FARSB: variants seen among roughly 807,000 people sequenced by gnomAD.
FARSB encodes phenylalanyl-tRNA synthetase subunit beta, also known as phenylalanine--tRNA ligase beta subunit.
In FARSB, 40 loss-of-function variants were observed where a neutral mutation model predicts 69.6. The observed-to-expected ratio is 0.57, with a 90% CI of 0.45 to 0.75. The LOEUF (loss-of-function observed/expected upper bound fraction) is 0.75. Ranked by LOEUF, FARSB falls within the 30% of genes least tolerant of loss-of-function variation. The pLI is 0.00. For synonymous variants in FARSB, 235 were observed against 247.2 expected (o/e 0.95, Z 0.46); for missense variants, 632 against 722.9 (o/e 0.87, Z 1.44).
At chr2:222,613,753 T>C (rs1690919129) in intron 15 of FARSB, 58 bp downstream of exon 15, 3 of 1,134,516 alleles carry the variant, frequency 2.6e-6, no homozygotes, top group Non-Finnish European at 4.0e-6. Flanking sequence ...GTTAAGGTTT[T>C]CATAATGAAA....
intron 15 of FARSB, among the ~76,000 whole-genome samples, chr2:222,602,817 T>C (rs913291190): frequency 6.6e-6 from 1 of 152,096 alleles, no homozygotes; most frequent in Non-Finnish European, 1.5e-5. Flanking sequence ...TCATCTCTCA[T>C]TAGCACTTTA....
chr2:222,585,218 C>G lies in FARSB; in HGVS notation c.1619-13196G>C, dbSNP rs192762980. 1.7e-3 allele frequency among the ~76,000 whole-genome samples: 263 copies of G among 152,262 alleles called. 3 individuals carry two copies. Among genetic ancestry groups the G allele is most frequent in the Admixed American group, 0.015 (230 of 15,302 alleles). On this transcript the variant is annotated intron_variant, in intron 16 of 16. Transcript: ENST00000281828. ...GTTCTGCAGCCTCCGCTGGTGATACCCAGGCAAACAGGGTCTGGAGTGGAC... is the reference window on the plus strand; with the variant it reads ...GTTCTGCAGCCTCCGCTGGTGATACGCAGGCAAACAGGGTCTGGAGTGGAC...
rs191352893 is a variant in FARSB at position 222,585,963 on chromosome 2, T to C, written c.1619-13941A>G. ...CTACAGGATATTATCCAGGAGAACT[T>C]CCCCAACCTAGCAAGGCAGGCCACC... On this transcript the variant is annotated intron_variant, in intron 16 of 16. Transcript: ENST00000281828. Among the ~76,000 whole-genome samples the C allele has an allele frequency of 6.0e-3, 919 of 152,174 alleles. 11 individuals carry two copies. Among genetic ancestry groups the C allele is most frequent in the African/African-American group, 0.021 (860 of 41,500 alleles).
intron 16 of FARSB, among the ~76,000 whole-genome samples, chr2:222,596,988 G>T (rs145099590): frequency 2.6e-5 from 4 of 152,170 alleles, no homozygotes; most frequent in Admixed American, 6.5e-5. Flanking sequence ...TGAGAAATGA[G>T]GAACCATTAT....
chr2:222,599,781 T>C (rs1483529273), intron 16 of FARSB, 147 bp downstream of exon 16: 10 of 645,882 alleles, frequency 1.5e-5, no homozygotes, highest in Non-Finnish European at 2.6e-5. Context: ...AAAGGGGATA[T>C]TTTCTGGATA....
intron 14 of FARSB, among the ~76,000 whole-genome samples, chr2:222,617,517 A>G (rs1274323614): frequency 6.6e-6 from 1 of 152,166 alleles, no homozygotes; most frequent in Non-Finnish European, 1.5e-5. Context: ...GTTCAGTCAC[A>G]CTCCAAACCT....
At chr2:222,574,588 C>T (rs1314350446) in intron 16 of FARSB, among the ~76,000 whole-genome samples, 4 of 152,136 alleles carry the variant, frequency 2.6e-5, no homozygotes, top group African/African-American at 4.8e-5. Context: ...AAAAAGGAAG[C>T]ATGCTGCCCT....
chr2:222,604,226 A>C (rs1423110586), intron 15 of FARSB, among the ~76,000 whole-genome samples: 34 of 152,146 alleles, frequency 2.2e-4, no homozygotes, highest in Non-Finnish European at 1.2e-4. Context: ...TTAAAAAAAA[A>C]AAAAAAAAGA....
intron 1 of FARSB, among the ~76,000 whole-genome samples, chr2:222,650,689 C>G (rs529220411): frequency 5.3e-5 from 8 of 152,250 alleles, no homozygotes; most frequent in Non-Finnish European, 1.0e-4. Context: ...TATTCATGCT[C>G]CTGTGTGAAC....
At chr2:222,624,007 A>G (rs1254868948) in intron 12 of FARSB, among the ~76,000 whole-genome samples, 1 of 152,118 alleles carries the variant, frequency 6.6e-6, no homozygotes, top group Non-Finnish European at 1.5e-5. Context: ...TTCAGGCCCA[A>G]GTTGAGAAAA....
chr2:222,634,315 C>T, intron 6 of FARSB, 76 bp downstream of exon 6: 2 of 1,008,160 alleles, frequency 2.0e-6, no homozygotes, highest in Non-Finnish European at 2.9e-6. Context: ...ATTACATTTC[C>T]CTAGTTGCAA....
At chr2:222,640,689 G>C (rs1691697873) in intron 4 of FARSB, among the ~76,000 whole-genome samples, 173 bp downstream of exon 4, 1 of 152,182 alleles carries the variant, frequency 6.6e-6, no homozygotes, top group East Asian at 1.9e-4. Flanking sequence ...CTGGGAAGCA[G>C]AGGTTGCAGT....
In FARSB at chr2:222,585,952, C is replaced by T. The variant is rs1449170296; in HGVS notation, c.1619-13930G>A. On this transcript the variant is annotated intron_variant, in intron 16 of 16. Transcript: ENST00000281828. ...TGGAAAACACTCTACAGGATATTATCCAGGAGAACTTCCCCAACCTAGCAA... is the reference window on the plus strand; with the variant it reads ...TGGAAAACACTCTACAGGATATTATTCAGGAGAACTTCCCCAACCTAGCAA... Among the ~76,000 whole-genome samples, 4 of 152,136 alleles carry T rather than the reference C, an allele frequency of 2.6e-5. No homozygotes were observed. The South Asian group carries it at 6.2e-4, about 24-fold the overall frequency.
chr2:222,635,939 C>T (rs917209894), intron 5 of FARSB, among the ~76,000 whole-genome samples: 2 of 151,650 alleles, frequency 1.3e-5, no homozygotes, highest in African/African-American at 4.8e-5. Context: ...AATTAGCTGG[C>T]TGTGGTGCCA....
At position 222,642,841 on chromosome 2, in the gene FARSB, A is replaced by G; in HGVS notation, c.269+10T>C. ...ACTTAGCAAAGTCTTTAAGGAACAT[A>G]TTTCCTTACCTTTCTTTGAAGACCT... On this transcript the variant is annotated intron_variant, in intron 3 of 16. Coordinates refer to ENST00000281828, the MANE Select transcript of FARSB (RefSeq NM_005687.5). The G allele has an allele frequency of 6.3e-7, 1 of 1,586,586 alleles. No homozygotes were observed. Among genetic ancestry groups the G allele is most frequent in the Non-Finnish European group, 8.6e-7 (1 of 1,165,882 alleles).
intron 16 of FARSB, among the ~76,000 whole-genome samples, chr2:222,585,150 G>A (rs1216042688): frequency 6.6e-6 from 1 of 152,200 alleles, no homozygotes; most frequent in African/African-American, 2.4e-5. Context: ...AGCTTCCAGA[G>A]GAAGGATCAG....
At chr2:222,594,603 A>C (rs950408242) in intron 16 of FARSB, among the ~76,000 whole-genome samples, 1 of 152,114 alleles carries the variant, frequency 6.6e-6, no homozygotes, top group Non-Finnish European at 1.5e-5. Flanking sequence ...TTCATGAAGG[A>C]GCAATTAAGG....
At chr2:222,632,005 C>A (rs906495907) in intron 7 of FARSB, among the ~76,000 whole-genome samples, 1 of 147,230 alleles carries the variant, frequency 6.8e-6, no homozygotes, top group Non-Finnish European at 1.5e-5. Context: ...CCGGGAGGTG[C>A]AGGTTGTGGT....
intron 3 of FARSB, among the ~76,000 whole-genome samples, chr2:222,642,003 CT>C (rs5838958): frequency 0.92 from 118,960 of 128,836 alleles, 54,769 homozygotes; most frequent in South Asian, 0.98. Context: ...TATCCTCTAT[CT>C]TTTTTTTTTT....
Sources: allele counts gnomAD v4.1 joint callset (sites outside exome capture counted in the v4.1 genomes callset), GRCh38; gene constraint gnomAD v4.1.1; transcripts MANE v1.5; gene names NCBI Gene and HGNC (gene_info 2026-07-23, HGNC 2026-07-21).